Variants in TARS2 observed in about 807,000 individuals in gnomAD.
The protein encoded by TARS2 is threonine--tRNA ligase, mitochondrial.
TARS2 carries 61 observed loss-of-function variants against 94.4 expected under a neutral mutation model. The ratio of observed to expected loss-of-function variants is 0.65; its 90% CI spans 0.53 to 0.80. The LOEUF (loss-of-function observed/expected upper bound fraction) is 0.80, where lower values mean the gene tolerates loss of function less well. Ranked by LOEUF, TARS2 falls within the 30% of genes least tolerant of loss-of-function variation. TARS2 has a pLI of 0.00. For synonymous variants in TARS2, 359 were observed against 353.4 expected, an observed-to-expected ratio of 1.02 and a Z score of -0.18; for missense variants, 704 against 902.5, an observed-to-expected ratio of 0.78 and a Z score of 2.82.
In TARS2 at chr1:150,507,197, A is replaced by G. The variant is rs1488522103; in HGVS notation, c.*133A>G. ...GTGGAGGCACATGTCTGCTCTCCTG[A>G]AAAGAGACTTGGTTTGGGGACCCCA... On this transcript the variant is annotated 3_prime_UTR_variant, in exon 18 of 18. Transcript: ENST00000369064. The G allele has an allele frequency of 1.6e-6, 2 of 1,264,712 alleles. No homozygotes were observed. The highest frequency in any genetic ancestry group is 3.2e-5 in the South Asian group (2 of 62,430). The allele number at this position is 1,264,712 out of a possible 1,614,324, so 78.3% of individuals were successfully genotyped here. A position where few individuals can be genotyped will look rare whatever the true frequency, so the allele number is the denominator to read the frequency against.
intron 7 of TARS2, 38 bp downstream of exon 7, chr1:150,492,527 T>C (rs887862316): frequency 1.4e-5 from 23 of 1,606,008 alleles, no homozygotes; most frequent in Non-Finnish European, 1.9e-5. Context: ...GATTCCTATT[T>C]TGAGCCGGGC....
At chr1:150,488,151 G>C in intron 2 of TARS2, 97 bp downstream of exon 2, 1 of 1,380,880 alleles carries the variant, frequency 7.2e-7, no homozygotes, top group Non-Finnish European at 9.8e-7. Flanking sequence ...GCTTGTTTCT[G>C]TTCCGTCCCC....
At chr1:150,491,787 A>G in intron 6 of TARS2, 125 bp downstream of exon 6, 1 of 1,085,996 alleles carries the variant, frequency 9.2e-7, no homozygotes, top group Non-Finnish European at 1.3e-6. Context: ...TGGGAATGGG[A>G]ATTGATTTTT....
Position 150,487,781 on chromosome 1 carries a change from C to A in TARS2, c.67-77C>A, listed in dbSNP as rs1347015334. The A allele has an allele frequency of 1.1e-5, 17 of 1,548,036 alleles. No individual in the cohort carries two copies. The South Asian group carries it at 1.4e-4, about 13-fold the overall frequency. On this transcript the variant is annotated intron_variant, in intron 1 of 17. Coordinates refer to ENST00000369064, the MANE Select transcript of TARS2 (RefSeq NM_025150.5). Reference sequence around the variant, plus strand: ...ATTCGGACGAAGTCCACTTAACCATCCCAAAGTGCCATCATCTGCAATTCT... The same window carrying A: ...ATTCGGACGAAGTCCACTTAACCATACCAAAGTGCCATCATCTGCAATTCT...
intron 9 of TARS2, 125 bp from the exon 10 acceptor site, chr1:150,497,399 GGGACCT>G: frequency 1.3e-6 from 1 of 750,280 alleles, no homozygotes; most frequent in East Asian, 2.6e-5. Context: ...GCATAGAGAT[GGGACCT>G]GGTATTTAAT....
In TARS2 at chr1:150,504,926, T is replaced by G; in HGVS notation, c.1841T>G (p.Phe614Cys). The G allele has an allele frequency of 6.2e-7, 1 of 1,614,204 alleles. No individual in the cohort carries two copies. Among genetic ancestry groups the G allele is most frequent in the Non-Finnish European group, 8.5e-7 (1 of 1,180,042 alleles). Residue 614 changes from phenylalanine (F) to cysteine (C), a missense_variant, in exon 16 of 18, where the codon TTC (phenylalanine) becomes TGC (cysteine). Transcript: ENST00000369064. ...ACCAGGCCACTGTGGCTGTCCCCGT[T>G]CCAGGTGGTGGTCATCCCTGTGGGG... ...GGKWPLWLSP[F>C]QVVVIPVGSE...
intron 7 of TARS2, among the ~76,000 whole-genome samples, chr1:150,495,106 G>C (rs587597797): frequency 2.1e-4 from 32 of 152,072 alleles, no homozygotes; most frequent in African/African-American, 6.3e-4. Context: ...GTGAACCCTG[G>C]GGGGTGGAGC....
intron 4 of TARS2, among the ~76,000 whole-genome samples, chr1:150,491,065 CAAAAAG>C (rs1560244900): frequency 1.4e-5 from 1 of 72,822 alleles, no homozygotes; most frequent in Non-Finnish European, 4.1e-5. Flanking sequence ...AAAAAAAAAA[CAAAAAG>C]AAAAAGAAGA....
chr1:150,487,977 G>GAT lies in TARS2; in HGVS notation c.189_190dup (p.Ser64TyrfsTer21), dbSNP rs1382057092. The GAT allele has an allele frequency of 4.3e-6, 7 of 1,614,006 alleles. No individual in the cohort carries two copies. The highest frequency in any genetic ancestry group is 1.3e-5 in the African/African-American group (1 of 74,916). ...CACAGAAGGAACCCCGGACTATTAA[G>GAT]ATATCACTTCCTGGAGGCCAGAAAA... On this transcript the variant is annotated frameshift_variant, in exon 2 of 18. Transcript: ENST00000369064. LOFTEE classifies it high-confidence loss of function.
At chr1:150,496,656 A>AT in intron 8 of TARS2, 28 bp downstream of exon 8, 1 of 1,607,540 alleles carries the variant, frequency 6.2e-7, no homozygotes, top group Non-Finnish European at 8.5e-7. Context: ...ATAGGGAGGG[A>AT]TGGTGATAAG....
chr1:150,503,675 G>A (rs199985586), intron 13 of TARS2, among the ~76,000 whole-genome samples: 12 of 118,132 alleles, frequency 1.0e-4, no homozygotes, highest in Admixed American at 3.2e-4. Context: ...ATATATGTGT[G>A]TATATATGTG....
At chr1:150,497,884 G>A (rs1490977734) in intron 10 of TARS2, 137 bp downstream of exon 10, 5 of 838,808 alleles carry the variant, frequency 6.0e-6, no homozygotes, top group Non-Finnish European at 8.9e-6. Flanking sequence ...CTGAGGTCGG[G>A]AGTTTGAGAC....
At chr1:150,491,961 G>GTTTTTTTTTTTTTTTTTTTTT (rs367685337) in intron 6 of TARS2, 1 of 124,616 alleles carries the variant, frequency 8.0e-6, no homozygotes, top group African/African-American at 4.1e-5. Flanking sequence ...TGCCTGGCTA[G>GTTTTTTTTTTTTTTTTTTTTT]TTTTTTTTTT....
rs1560245266 is a variant in TARS2 at position 150,491,442 on chromosome 1, AC to A, written c.562del (p.Thr189GlnfsTer10). The A allele has an allele frequency of 1.9e-6, 3 of 1,613,862 alleles. No individual in the cohort carries two copies. The South Asian group carries it at 3.3e-5, about 18-fold the overall frequency. ...LPVLERICQE[L>X]TAAARPFRRL... ...CTGTTTTGGAGCGGATTTGCCAGGA[AC>A]TTACAGCTGCTGCTCGACCCTTCCG... On this transcript the variant is annotated frameshift_variant, in exon 5 of 18. Coordinates refer to ENST00000369064, the MANE Select transcript of TARS2 (RefSeq NM_025150.5). LOFTEE classifies it high-confidence loss of function.
chr1:150,506,590 C>T (rs1670233093), intron 17 of TARS2, among the ~76,000 whole-genome samples: 1 of 151,100 alleles, frequency 6.6e-6, no homozygotes, highest in Non-Finnish European at 1.5e-5. Flanking sequence ...CACACACACA[C>T]ACACACACAC....
chr1:150,488,549 CAT>C (rs1381707482), intron 2 of TARS2: 1 of 170,352 alleles, frequency 5.9e-6, no homozygotes, highest in East Asian at 1.6e-4. Flanking sequence ...AATAATTGAA[CAT>C]ATGAATGGGT....
chr1:150,497,266 T>C (rs1465597992), intron 9 of TARS2, among the ~76,000 whole-genome samples: 1 of 151,578 alleles, frequency 6.6e-6, no homozygotes, highest in African/African-American at 2.4e-5. Context: ...GCCTGTGTGA[T>C]ACAGTGAGAC....
At position 150,487,929 on chromosome 1, in the gene TARS2, G is replaced by A. The variant is rs1669220698; in HGVS notation, c.138G>A (p.Gln46=). 1 of 1,613,958 alleles carries A rather than the reference G, an allele frequency of 6.2e-7. No individual in the cohort carries two copies. The change falls in exon 2 of 18, where the codon CAG becomes CAA. Residue 46 remains glutamine, a synonymous_variant. Transcript: ENST00000369064. ...TTTTTGAGGAGCTGTGGGCTGCTCAGGTAAAGAGATTAGCAAGCATGGCAC... is the reference window on the plus strand; with the variant it reads ...TTTTTGAGGAGCTGTGGGCTGCTCAAGTAAAGAGATTAGCAAGCATGGCAC... ...LGLFEELWAA[Q]VKRLASMAQK... is the part of the protein sequence containing the mutation.
At position 150,496,658 on chromosome 1, in the gene TARS2, G is replaced by A. The variant is rs1310187429; in HGVS notation, c.921+30G>A. The A allele has an allele frequency of 8.7e-6, 14 of 1,606,226 alleles. No individual in the cohort carries two copies. In the Admixed American group the frequency reaches 1.7e-4, roughly 19 times the overall value. ...AGGAATTGGGAAGATAGGGAGGGAT[G>A]GTGATAAGGGTTGGAGAGAGATGAC... is the stretch of plus-strand genomic sequence containing the variant. On this transcript the variant is annotated intron_variant, in intron 8 of 17. Coordinates refer to ENST00000369064, the MANE Select transcript of TARS2 (RefSeq NM_025150.5).
Sources: allele counts gnomAD v4.1 joint callset (sites outside exome capture counted in the v4.1 genomes callset), GRCh38; gene constraint gnomAD v4.1.1; transcripts MANE v1.5; gene names NCBI Gene and HGNC (gene_info 2026-07-23, HGNC 2026-07-21).